The following TMPRSS9 variants were observed in gnomAD, a reference collection of about 807,000 sequenced individuals.
The protein encoded by TMPRSS9 is transmembrane serine protease 9, also known as transmembrane protease serine 9.
In TMPRSS9, 113 loss-of-function variants were observed where a neutral mutation model predicts 111.4. The ratio of observed to expected loss-of-function variants is 1.01; its 90% CI spans 0.87 to 1.19. The LOEUF (loss-of-function observed/expected upper bound fraction) is 1.19. Ranked by LOEUF, TMPRSS9 falls within the 50% of genes most tolerant of loss-of-function variation. The pLI is 0.00. For missense variants in TMPRSS9, 1,803 were observed against 1,513.1 expected (o/e 1.19, Z -3.18); for synonymous variants, 805 against 659.1 (o/e 1.22, Z -3.39).
At chr19:2,378,645 G>A (rs919584078) in intron 1 of TMPRSS9, among the ~76,000 whole-genome samples, 1 of 152,198 alleles carries the variant, frequency 6.6e-6, no homozygotes, top group Non-Finnish European at 1.5e-5. Flanking sequence ...TTGAACCTGG[G>A]AGGCAGAGGT....
chr19:2,383,831 A>G (rs552097582), intron 1 of TMPRSS9, among the ~76,000 whole-genome samples: 70 of 151,654 alleles, frequency 4.6e-4, no homozygotes, highest in Non-Finnish European at 4.6e-4. Context: ...AAATAAATAG[A>G]TGTTAATTGT....
chr19:2,390,473 G>A (rs1190968365), intron 1 of TMPRSS9, among the ~76,000 whole-genome samples: 2 of 148,660 alleles, frequency 1.3e-5, no homozygotes, highest in East Asian at 2.0e-4. Context: ...TCGATCTCCT[G>A]ACCTCATGAT....
In TMPRSS9 at chr19:2,401,150, T is replaced by C. The variant is rs1382871956; in HGVS notation, c.515-825T>C. ...TCAGCCGGGCGTGGTGGCGGGCGCCTGTAGTCCCAGCTGCTTGGGACGCTG... is the reference window on the plus strand; with the variant it reads ...TCAGCCGGGCGTGGTGGCGGGCGCCCGTAGTCCCAGCTGCTTGGGACGCTG... On this transcript the variant is annotated intron_variant, in intron 4 of 17. Transcript: ENST00000648592. Among the ~76,000 whole-genome samples the C allele has an allele frequency of 2.6e-5, 4 of 152,106 alleles. No homozygotes were observed. The East Asian group carries it at 5.8e-4, about 22-fold the overall frequency.
At chr19:2,425,218 G>A (rs771136337) in exon 16 of TMPRSS9, 2 of 1,479,984 alleles carry the variant, frequency 1.4e-6, no homozygotes, top group Non-Finnish European at 1.8e-6. Flanking sequence ...CGCGACCCCC[G>A]GACGGCACGC....
intron 1 of TMPRSS9, among the ~76,000 whole-genome samples, chr19:2,370,618 C>T (rs1337032663): frequency 3.9e-5 from 6 of 152,124 alleles, no homozygotes; most frequent in Non-Finnish European, 7.4e-5. Context: ...CGTGAGCCAC[C>T]ACGCCCAGCC....
At chr19:2,416,389 C>A in intron 11 of TMPRSS9, 149 bp from the exon 13 acceptor site, 1 of 1,049,184 alleles carries the variant, frequency 9.5e-7, no homozygotes, top group Non-Finnish European at 1.3e-6. Flanking sequence ...TTTCCCTGGT[C>A]CTCCTCCCTG....
chr19:2,388,847 C>G (rs1469415979), upstream of TMPRSS9, among the ~76,000 whole-genome samples: 1 of 151,964 alleles, frequency 6.6e-6, no homozygotes, highest in African/African-American at 2.4e-5. Flanking sequence ...TGGTCTCAAA[C>G]TCCTGGGCTC....
intron 1 of TMPRSS9, among the ~76,000 whole-genome samples, chr19:2,374,015 G>C (rs1030673930): frequency 1.3e-5 from 2 of 152,150 alleles, no homozygotes; most frequent in African/African-American, 2.4e-5. Context: ...AAGAAGGCTC[G>C]TGTCTATCCT....
At chr19:2,378,705 G>A (rs948914747) in intron 1 of TMPRSS9, among the ~76,000 whole-genome samples, 2 of 152,152 alleles carry the variant, frequency 1.3e-5, no homozygotes, top group Non-Finnish European at 2.9e-5. Flanking sequence ...GGGACAGAGC[G>A]AGACTCCGTC....
chr19:2,380,124 A>G (rs1170572108), intron 1 of TMPRSS9, among the ~76,000 whole-genome samples: 1 of 151,952 alleles, frequency 6.6e-6, no homozygotes, highest in Non-Finnish European at 1.5e-5. Context: ...CTGGTGTTGT[A>G]TGACTGTTTA....
rs771305642 is a variant in TMPRSS9, at chr19:2,411,299, C to CAAAAA, written c.1254+935_1254+939dup. 5.3e-4 allele frequency among the ~76,000 whole-genome samples: 17 copies of CAAAAA among 32,320 alleles called. 1 individual carries two copies. Among genetic ancestry groups the CAAAAA allele is most frequent in the African/African-American group, 1.3e-3 (9 of 6,848 alleles). 21.2% of individuals were successfully genotyped at this position (32,320 alleles called of 152,430 possible). On this transcript the variant is annotated intron_variant, in intron 9 of 17. Transcript: ENST00000648592. ...TGGGCGACAAAGCAAGACTCTGTCTCAAAAAAAAAAAAAAAAAAAAAAAAA... is the reference window on the plus strand; with the variant it reads ...TGGGCGACAAAGCAAGACTCTGTCTCAAAAAAAAAAAAAAAAAAAAAAAAAAAAAA...
chr19:2,403,503 C>A (rs1471947617), intron 6 of TMPRSS9, among the ~76,000 whole-genome samples: 1 of 152,034 alleles, frequency 6.6e-6, no homozygotes, highest in African/African-American at 2.4e-5. Flanking sequence ...GGAGCTCTGT[C>A]CTATAAGCAG....
chr19:2,379,667 T>TTCTTTCTTTCTTTCTTTCTTTCTC (rs1444021865), intron 1 of TMPRSS9, among the ~76,000 whole-genome samples: 1 of 149,246 alleles, frequency 6.7e-6, no homozygotes, highest in African/African-American at 2.5e-5. Context: ...CTTTCTTTCT[T>TTCTTTCTTTCTTTCTTTCTTTCTC]TCTTTCTTTC....
chr19:2,380,290 A>AC (rs202242372), intron 1 of TMPRSS9, among the ~76,000 whole-genome samples: 1,696 of 151,748 alleles, frequency 0.011, 37 homozygotes, highest in African/African-American at 0.037. Context: ...TCTTAAAAAA[A>AC]AACAACAAAA....
At chr19:2,409,781 G>A (rs886895586) in intron 8 of TMPRSS9, among the ~76,000 whole-genome samples, 4 of 152,218 alleles carry the variant, frequency 2.6e-5, no homozygotes, top group Admixed American at 2.0e-4. Context: ...ATTTAGCAAG[G>A]GTGGTGCTGG....
intron 2 of TMPRSS9, among the ~76,000 whole-genome samples, chr19:2,398,236 C>T (rs1363592635): frequency 6.6e-6 from 1 of 151,232 alleles, no homozygotes; most frequent in African/African-American, 2.4e-5. Context: ...ACGGAAGTTG[C>T]AATGAGCCGA....
Position 2,391,676 on chromosome 19 carries a change from A to T in TMPRSS9, c.142+1749A>T, listed in dbSNP as rs941869227. 7.2e-4 allele frequency among the ~76,000 whole-genome samples: 109 copies of T among 151,848 alleles called. 2 individuals are homozygous for T. Among genetic ancestry groups the T allele is most frequent in the South Asian group, 4.1e-4 (2 of 4,820 alleles). Reference sequence around the variant, plus strand: ...GAGTTTCTCATCTGCATTGTAACAAATACATTTTGGGAAAAACAGATAAAT... The same window carrying T: ...GAGTTTCTCATCTGCATTGTAACAATTACATTTTGGGAAAAACAGATAAAT... On this transcript the variant is annotated intron_variant, in intron 1 of 17. Transcript: ENST00000648592.
chr19:2,388,828 T>G (rs1023139345), upstream of TMPRSS9, among the ~76,000 whole-genome samples: 4 of 151,892 alleles, frequency 2.6e-5, no homozygotes, highest in Non-Finnish European at 4.4e-5. Context: ...CTCACTATAT[T>G]GCCCAGGCTG....
In TMPRSS9 at chr19:2,415,775, G is replaced by A. The variant is rs201475068; in HGVS notation, c.1679G>A (p.Arg560Gln). ...CAGGTCAGCCTGAAGGAAGGGTCCC[G>A]GCACTTCTGCGGAGCAACTGTGGTG... is the stretch of plus-strand genomic sequence containing the variant. Residue 560 changes from arginine to glutamine, a missense_variant, in exon 11 of 18, where the codon CGG becomes CAG. By Grantham distance (43) the Arg-to-Gln change is conservative (BLOSUM62 1). Transcript: ENST00000648592. The A allele has an allele frequency of 5.7e-5, 91 of 1,610,214 alleles. No individual in the cohort carries two copies. The South Asian group carries it at 5.7e-4, about 10-fold the overall frequency.
Sources: gnomAD v4.1 joint callset for allele counts (sites outside exome capture counted in the v4.1 genomes callset) on GRCh38, gnomAD v4.1.1 for gene constraint, MANE v1.5 for transcripts, NCBI Gene and HGNC (gene_info 2026-07-23, HGNC 2026-07-21) for gene names.